DISP1: variants seen among roughly 807,000 people sequenced by gnomAD.
DISP1 encodes the protein dispatched RND transporter family member 1.
A neutral mutation model predicts 37.3 loss-of-function variants in DISP1; 30 were observed. The observed-to-expected ratio is 0.80, with a 90% confidence interval of 0.60 to 1.09. The LOEUF (loss-of-function observed/expected upper bound fraction) is 1.09. DISP1 is among the 50% of genes least tolerant of loss of function. DISP1 has a pLI of 0.00. For missense variants in DISP1, 1,598 were observed against 1,879.5 expected (o/e 0.85, Z 2.77); for synonymous variants, 634 against 690.2 (o/e 0.92, Z 1.28).
At chr1:222,905,227 G>T (rs1022132875) in intron 1 of DISP1, among the ~76,000 whole-genome samples, 2 of 152,072 alleles carry the variant, frequency 1.3e-5, no homozygotes, top group African/African-American at 4.8e-5. Flanking sequence ...TTAAATGTTA[G>T]TTCTAAATCA....
intron 3 of DISP1, among the ~76,000 whole-genome samples, chr1:222,957,839 C>G (rs747446447): frequency 6.6e-6 from 1 of 152,126 alleles, no homozygotes; most frequent in South Asian, 2.1e-4. Context: ...TACTTAGGAC[C>G]AGGCTATAGT....
At chr1:222,980,581 C>T (rs929360121) in intron 3 of DISP1, among the ~76,000 whole-genome samples, 16 of 152,098 alleles carry the variant, frequency 1.1e-4, no homozygotes, top group South Asian at 2.1e-4. Flanking sequence ...TAATCCAACA[C>T]GCACTGATCT....
chr1:223,004,857 T>G lies in DISP1; in HGVS notation c.3460T>G (p.Phe1154Val), dbSNP rs780345599. Residue 1154 changes from phenylalanine to valine, a missense_variant, in exon 9 of 9, where the codon TTT (phenylalanine) becomes GTT (valine). Transcript: ENST00000675850. This position sits in a 1 kb window ranked among gnomAD's most constrained non-coding sequence, Gnocchi z 4.9. ...PLPKKLQCSAFSHALSTSPSD... is the reference protein window; with the variant it reads ...PLPKKLQCSAVSHALSTSPSD... ...ACCTAAAAAACTACAGTGCAGTGCC[T>G]TTTCCCATGCCTTGTCTACAAGTCC... The G allele has an allele frequency of 7.5e-6, 12 of 1,608,858 alleles. No homozygotes were observed. The highest frequency in any genetic ancestry group is 1.0e-5 in the Non-Finnish European group (12 of 1,179,998).
intron 1 of DISP1, among the ~76,000 whole-genome samples, chr1:222,885,085 C>T (rs1670512888): frequency 6.6e-6 from 1 of 152,110 alleles, no homozygotes; most frequent in African/African-American, 2.4e-5. Context: ...GCCTCGGCCT[C>T]CCAAAGTGCT....
intron 1 of DISP1, among the ~76,000 whole-genome samples, chr1:222,917,482 G>T (rs1040556559): frequency 1.3e-5 from 2 of 152,178 alleles, no homozygotes; most frequent in African/African-American, 4.8e-5. Context: ...GCAATATAAG[G>T]TCAGTGCCCT....
At chr1:222,871,528 T>C (rs1669573740) in intron 1 of DISP1, among the ~76,000 whole-genome samples, 1 of 152,230 alleles carries the variant, frequency 6.6e-6, no homozygotes, top group Admixed American at 6.5e-5. Flanking sequence ...GTTGGATTCC[T>C]AGGTATTTTA....
intron 1 of DISP1, among the ~76,000 whole-genome samples, chr1:222,826,553 T>C (rs1455290613): frequency 6.6e-6 from 1 of 151,754 alleles, no homozygotes; most frequent in Non-Finnish European, 1.5e-5. Flanking sequence ...GCTAATTTTT[T>C]TGTTTTTTAA....
intron 3 of DISP1, among the ~76,000 whole-genome samples, chr1:222,976,291 A>G (rs1217848873): frequency 6.6e-6 from 1 of 152,104 alleles, no homozygotes; most frequent in East Asian, 1.9e-4. Context: ...AGCAAATCCA[A>G]AGGGTTTTAC....
At chr1:222,835,725 G>A (rs1464515245) in intron 1 of DISP1, among the ~76,000 whole-genome samples, 1 of 152,156 alleles carries the variant, frequency 6.6e-6, no homozygotes, top group Non-Finnish European at 1.5e-5. Context: ...GCCGAGGCAG[G>A]TGGATTACCT....
chr1:222,874,229 T>C (rs956452505), intron 1 of DISP1, among the ~76,000 whole-genome samples: 2 of 152,132 alleles, frequency 1.3e-5, no homozygotes, highest in African/African-American at 2.4e-5. Context: ...ATTTCAACTT[T>C]GGTGAATCTG....
chr1:222,988,662 CTT>C (rs35016383), intron 4 of DISP1, among the ~76,000 whole-genome samples: 52 of 126,992 alleles, frequency 4.1e-4, no homozygotes, highest in Middle Eastern at 7.8e-3. Context: ...ATTTCTTTCT[CTT>C]TTTTTTTTTT....
At chr1:222,983,643 A>G (rs1257705054) in intron 4 of DISP1, among the ~76,000 whole-genome samples, 1 of 152,098 alleles carries the variant, frequency 6.6e-6, no homozygotes, top group East Asian at 1.9e-4. Flanking sequence ...GTGCGTAAAC[A>G]TTTATATTTG....
intron 2 of DISP1, among the ~76,000 whole-genome samples, chr1:222,932,529 G>A (rs1413639177): frequency 6.6e-6 from 1 of 151,888 alleles, no homozygotes; most frequent in Non-Finnish European, 1.5e-5. Flanking sequence ...ACCATTGTTT[G>A]ACATCCCTGA....
At chr1:222,923,204 A>C (rs1360460870) in intron 1 of DISP1, among the ~76,000 whole-genome samples, 1 of 152,190 alleles carries the variant, frequency 6.6e-6, no homozygotes, top group Non-Finnish European at 1.5e-5. Context: ...TTGGGGAGGC[A>C]GAGTGAGACA....
At chr1:222,981,766 T>G (rs1572689555) in intron 3 of DISP1, among the ~76,000 whole-genome samples, 2 of 152,204 alleles carry the variant, frequency 1.3e-5, no homozygotes, top group Admixed American at 1.3e-4. Context: ...TTTTTACATT[T>G]TGTTTTGTTT....
intron 1 of DISP1, among the ~76,000 whole-genome samples, chr1:222,847,119 G>A (rs1287091831): frequency 6.6e-6 from 1 of 152,094 alleles, no homozygotes; most frequent in Admixed American, 6.5e-5. Flanking sequence ...TTTCCACAGA[G>A]GTAAAACTGT....
At chr1:222,958,731 TTAAAATTTAGATTA>T (rs1357185591) in intron 3 of DISP1, among the ~76,000 whole-genome samples, 19 of 152,198 alleles carry the variant, frequency 1.2e-4, no homozygotes, top group East Asian at 3.8e-4. Context: ...AATTAAGTCT[TTAAAATTTAGATTA>T]TATTATAGAA....
rs200321673 is a variant in DISP1, at chr1:222,990,651, C to T, written c.566C>T (p.Pro189Leu). The T allele has an allele frequency of 6.7e-5, 108 of 1,613,944 alleles. No homozygotes were observed. The highest frequency in any genetic ancestry group is 1.0e-4 in the Admixed American group (6 of 59,998). Reference protein sequence around the residue: ...KSYAALIADWPVVVLGMCTMF... With the variant: ...KSYAALIADWLVVVLGMCTMF... Reference sequence around the variant, plus strand: ...TATGCAGCCCTGATAGCCGACTGGCCGGTGGTGGTCTTGGGCATGTGCACC... The same window carrying T: ...TATGCAGCCCTGATAGCCGACTGGCTGGTGGTGGTCTTGGGCATGTGCACC... Residue 189 changes from proline (P) to leucine (L), a missense_variant, in exon 5 of 9, where the codon CCG becomes CTG. Physicochemically the swap from Pro to Leu is moderately conservative, Grantham distance 98 (BLOSUM62 -3). Coordinates refer to ENST00000675850, the MANE Select transcript of DISP1 (RefSeq NM_001377229.1).
chr1:222,826,803 G>A (rs770064203), intron 1 of DISP1, among the ~76,000 whole-genome samples: 1 of 152,160 alleles, frequency 6.6e-6, no homozygotes, highest in Non-Finnish European at 1.5e-5. Flanking sequence ...CTATCAGGGA[G>A]CTACTAACTA....
Sources: gnomAD v4.1 joint callset for allele counts (sites outside exome capture counted in the v4.1 genomes callset) on GRCh38, gnomAD v4.1.1 for gene constraint, Gnocchi (gnomAD v3.1) non-coding constraint, MANE v1.5 for transcripts, NCBI Gene and HGNC (gene_info 2026-07-23, HGNC 2026-07-21) for gene names.